Variants in DHRS7 observed in about 807,000 individuals in gnomAD.
DHRS7 encodes dehydrogenase/reductase SDR family member 7.
A neutral mutation model predicts 38.9 loss-of-function variants in DHRS7; 34 were observed. The ratio of observed to expected loss-of-function variants is 0.87; its 90% CI spans 0.66 to 1.16. The LOEUF is 1.16. Among genes scored for constraint, DHRS7 ranks in the 50% most tolerant of loss-of-function variants. The pLI is 0.00. For synonymous variants in DHRS7, 158 were observed against 153.1 expected, an observed-to-expected ratio of 1.03 and a Z score of -0.24; for missense variants, 421 against 407.0, an observed-to-expected ratio of 1.03 and a Z score of -0.30.
At chr14:60,151,540 A>ACCC (rs1566531145) in intron 4 of DHRS7, among the ~76,000 whole-genome samples, 1 of 151,966 alleles carries the variant, frequency 6.6e-6, no homozygotes, top group African/African-American at 2.4e-5. Flanking sequence ...TGAACCCAAA[A>ACCC]AAAAAAAAAA....
Position 60,144,244 on chromosome 14 carries a change from G to A in DHRS7, c.*722C>T, listed in dbSNP as rs1189127281. 1 of 152,144 alleles carries A rather than the reference G, an allele frequency of 6.6e-6. No homozygotes were observed. Among genetic ancestry groups the A allele is most frequent in the African/African-American group, 2.4e-5 (1 of 41,424 alleles). 9.4% of individuals were successfully genotyped at this position (152,144 alleles called of 1,614,324 possible). ...AGAGTATAAGCATCTTGGAGGTAAG[G>A]TCATTTCAAATACTTCTTTATATCT... On this transcript the variant is annotated 3_prime_UTR_variant, in exon 7 of 7. Coordinates refer to ENST00000557185, the MANE Select transcript of DHRS7 (RefSeq NM_016029.4).
chr14:60,152,710 A>G (rs1479038594), intron 4 of DHRS7: 2 of 561,430 alleles, frequency 3.6e-6, no homozygotes, highest in East Asian at 3.0e-5. Context: ...GTTGTAGTAC[A>G]TGGCACAATG....
upstream of DHRS7, among the ~76,000 whole-genome samples, chr14:60,167,714 G>C (rs527471615): frequency 5.3e-5 from 8 of 152,348 alleles, no homozygotes; most frequent in African/African-American, 1.7e-4. Context: ...CAGGGACTGA[G>C]GAATCTAGGG....
At chr14:60,158,353 C>A (rs1896699502) in intron 1 of DHRS7, among the ~76,000 whole-genome samples, 1 of 152,018 alleles carries the variant, frequency 6.6e-6, no homozygotes, top group Admixed American at 6.6e-5. Context: ...ATTGGGCCAC[C>A]TTCCTATAGG....
intron 4 of DHRS7, 77 bp downstream of exon 4, chr14:60,152,862 C>G: frequency 4.6e-6 from 7 of 1,532,446 alleles, no homozygotes; most frequent in Non-Finnish European, 6.3e-6. Context: ...GTTCCAAGGA[C>G]CTCACACAGT....
chr14:60,153,173 G>A lies in DHRS7; in HGVS notation c.399C>T (p.Asp133=). The part of the protein sequence containing the change: ...KAVLQEFGRI[D]ILVNNGGMSQ... ...ACATTCCACCATTGTTGACCAGAAT[G>A]TCGATCTAGTTAAATAAAATCAGAA... Residue 133 remains aspartate (D), a synonymous_variant, in exon 4 of 7, where the codon GAC becomes GAT. Transcript: ENST00000557185. This position sits in a 1 kb window ranked among gnomAD's most constrained non-coding sequence, Gnocchi z 4.4. 1 of 1,614,092 alleles carries A rather than the reference G, an allele frequency of 6.2e-7. No individual in the cohort carries two copies. The highest frequency in any genetic ancestry group is 8.5e-7 in the Non-Finnish European group (1 of 1,179,990).
At chr14:60,167,343 T>C (rs1896881008), upstream of DHRS7, among the ~76,000 whole-genome samples, 1 of 152,246 alleles carries the variant, frequency 6.6e-6, no homozygotes, top group African/African-American at 2.4e-5. Context: ...TGCTAGCATT[T>C]AATAAATCAA....
intron 6 of DHRS7, 52 bp downstream of exon 6, chr14:60,149,301 C>T (rs902321827): frequency 6.4e-7 from 1 of 1,562,906 alleles, no homozygotes; most frequent in Non-Finnish European, 8.8e-7. Context: ...AAATTCTGTA[C>T]CTTCCTGCAA....
At chr14:60,168,580 TAAA>T (rs1896894873), upstream of DHRS7, 2 of 1,325,462 alleles carry the variant, frequency 1.5e-6, no homozygotes, top group Non-Finnish European at 1.0e-6. Flanking sequence ...CATTTTAAAG[TAAA>T]AAGTTAAAAA....
upstream of DHRS7, chr14:60,165,471 C>A (rs1198108401): frequency 2.0e-5 from 27 of 1,353,604 alleles, no homozygotes; most frequent in Non-Finnish European, 2.3e-5. The surrounding 1 kb of genome is among the most constrained non-coding windows in gnomAD (Gnocchi z 4.6). Flanking sequence ...TCGGGCGCGC[C>A]GGGCTCAGCA....
intron 4 of DHRS7, among the ~76,000 whole-genome samples, chr14:60,151,139 TA>T: frequency 6.7e-6 from 1 of 149,388 alleles, no homozygotes; most frequent in African/African-American, 2.5e-5. Flanking sequence ...ATTTCTATTT[TA>T]ACAGTATTAA....
rs181560823 is a variant in DHRS7, at chr14:60,162,725, T to C, written c.133+2452A>G. On this transcript the variant is annotated intron_variant, in intron 1 of 6. Transcript: ENST00000557185. The surrounding 1 kb of genome is among the most constrained non-coding windows in gnomAD (Gnocchi z 4.5). ...CTATTTCAATTTTCCTTTAATCTTT[T>C]CTTCTTTCTCACTCCCTACCTCCAC... Among the ~76,000 whole-genome samples the C allele has an allele frequency of 2.0e-4, 31 of 152,318 alleles. No homozygotes were observed. In the East Asian group the frequency reaches 5.8e-3, roughly 28 times the overall value.
chr14:60,166,263 G>T, upstream of DHRS7: 1 of 985,380 alleles, frequency 1.0e-6, no homozygotes, highest in Non-Finnish European at 1.2e-6. Context: ...AAGCAAGAGG[G>T]TTTTCCATTC....
Position 60,165,198 on chromosome 14 carries a change from C to G in DHRS7, c.112G>C (p.Glu38Gln). ...TCACCTGGGCGTCGTCCCTGCCACT[C>G]GGCCCATAGTAGCGTCAGGTCGCCG... ...ADGDLTLLWA[E>Q]WQGRRPEWEL... The change falls in exon 1 of 7, where the codon GAG (glutamate) becomes CAG (glutamine). Residue 38 changes from glutamate (E) to glutamine (Q), a missense_variant. Coordinates refer to ENST00000557185, the MANE Select transcript of DHRS7 (RefSeq NM_016029.4). The surrounding 1 kb of genome is among the most constrained non-coding windows in gnomAD (Gnocchi z 4.6). 3 of 1,612,958 alleles carry G rather than the reference C, an allele frequency of 1.9e-6. No homozygotes were observed. The highest frequency in any genetic ancestry group is 2.5e-6 in the Non-Finnish European group (3 of 1,179,824).
In DHRS7 at chr14:60,155,995, C is replaced by CTTACCTAGGCATCTTCTTTTCACCCT. The variant is rs1311601230; in HGVS notation, c.265_286+4dup. 11 of 1,545,334 alleles carry CTTACCTAGGCATCTTCTTTTCACCCT rather than the reference C, an allele frequency of 7.1e-6. No individual in the cohort carries two copies. In the African/African-American group the frequency reaches 1.5e-4, roughly 22 times the overall value. On this transcript the variant is annotated splice_donor_region_variant and intron_variant, in intron 2 of 6. Transcript: ENST00000557185. ...AAGCACCGCTGCTATTTCAGATCCG[C>CTTACCTAGGCATCTTCTTTTCACCCT]TTACCTAGGCATCTTCTTTTCACCC...
rs558518459 is a variant in DHRS7 at position 60,144,521 on chromosome 14, C to A, written c.*445G>T. On this transcript the variant is annotated 3_prime_UTR_variant, in exon 7 of 7. Coordinates refer to ENST00000557185, the MANE Select transcript of DHRS7 (RefSeq NM_016029.4). ...ATACATTCCTCCACTGTGGAGGATG[C>A]AGCAATGAGGTGCCATCTTGGAAGC... 8.3e-5 allele frequency: 15 copies of A among 180,368 alleles called. No homozygotes were observed. The South Asian group carries it at 1.8e-3, about 22-fold the overall frequency. 11.2% of individuals were successfully genotyped at this position (180,368 alleles called of 1,614,324 possible).
chr14:60,158,232 G>GAA (rs34207942), intron 1 of DHRS7, among the ~76,000 whole-genome samples: 4,528 of 82,784 alleles, frequency 0.055, 161 homozygotes, highest in Middle Eastern at 0.071. Flanking sequence ...GACTCTGTCG[G>GAA]AAAAAAAAAA....
Position 60,153,941 on chromosome 14 carries a change from A to ATAT in DHRS7, c.393+15_393+17dup, listed in dbSNP as rs1271815633. ...GTTACTTCAAAGCAAGACTATATCAATATAAGATGCTACTTACTCTACCAA... is the reference window on the plus strand; with the variant it reads ...GTTACTTCAAAGCAAGACTATATCAATATTATAAGATGCTACTTACTCTACCAA... On this transcript the variant is annotated intron_variant, in intron 3 of 6. Coordinates refer to ENST00000557185, the MANE Select transcript of DHRS7 (RefSeq NM_016029.4). This position sits in a 1 kb window ranked among gnomAD's most constrained non-coding sequence, Gnocchi z 4.4. 6.2e-7 allele frequency: 1 copy of ATAT among 1,602,190 alleles called. No individual in the cohort carries two copies. The highest frequency in any genetic ancestry group is 2.2e-5 in the East Asian group (1 of 44,830).
upstream of DHRS7, chr14:60,166,213 G>A: frequency 2.0e-6 from 2 of 985,162 alleles, no homozygotes; most frequent in Non-Finnish European, 2.4e-6. Flanking sequence ...ATGTATTTGA[G>A]GCATCAATAG....
Sources: allele counts gnomAD v4.1 joint callset (sites outside exome capture counted in the v4.1 genomes callset), GRCh38; gene constraint gnomAD v4.1.1; non-coding constraint Gnocchi (gnomAD v3.1); transcripts MANE v1.5; gene names NCBI Gene and HGNC (gene_info 2026-07-23, HGNC 2026-07-21).